Variants in ARAP1 observed in about 807,000 individuals in gnomAD.
ARAP1 encodes the protein ArfGAP with RhoGAP domain, ankyrin repeat and PH domain 1, also known as arf-GAP with Rho-GAP domain, ANK repeat and PH domain-containing protein 1.
ARAP1 carries 76 observed loss-of-function variants against 172.2 expected under a neutral mutation model. The observed-to-expected ratio is 0.44, with a 90% CI of 0.37 to 0.53. The LOEUF (loss-of-function observed/expected upper bound fraction) is 0.53, where lower values mean the gene tolerates loss of function less well. ARAP1 is among the 20% of genes least tolerant of loss of function. The pLI, the probability that ARAP1 is intolerant of heterozygous loss-of-function variation, is 0.00. For synonymous variants in ARAP1, 804 were observed against 803.3 expected, an observed-to-expected ratio of 1.00 and a Z score of -0.01; for missense variants, 1,686 against 1,977.5, an observed-to-expected ratio of 0.85 and a Z score of 2.80.
At chr11:72,721,065 G>C (rs1209538428) in intron 3 of ARAP1, among the ~76,000 whole-genome samples, 1 of 152,148 alleles carries the variant, frequency 6.6e-6, no homozygotes, top group African/African-American at 2.4e-5. Context: ...CTCTTCCTGG[G>C]TCCAGCCCAG....
chr11:72,724,859 A>C (rs997896375), intron 3 of ARAP1, among the ~76,000 whole-genome samples: 3 of 152,160 alleles, frequency 2.0e-5, no homozygotes, highest in Admixed American at 6.5e-5. Context: ...AAGGGGCTAG[A>C]CCTTTTCCCG....
chr11:72,740,653 C>T (rs2135589171), intron 1 of ARAP1, among the ~76,000 whole-genome samples: 1 of 152,276 alleles, frequency 6.6e-6, no homozygotes, highest in African/African-American at 2.4e-5. Flanking sequence ...GAGACTGACA[C>T]TCAAAGCCCC....
At position 72,699,667 on chromosome 11, in the gene ARAP1, A is replaced by C; in HGVS notation, c.2303-115T>G. On this transcript the variant is annotated intron_variant, in intron 16 of 34. Coordinates refer to ENST00000393609, the MANE Select transcript of ARAP1 (RefSeq NM_001040118.3). The surrounding 1 kb of genome is among the most constrained non-coding windows in gnomAD (Gnocchi z 4.2). ...TGACCCATGAGCTCTTCATTCTCTC[A>C]AGTTTTCCCTAAATCCATCCACCTC... The C allele has an allele frequency of 6.5e-6, 9 of 1,392,258 alleles. No homozygotes were observed. Among genetic ancestry groups the C allele is most frequent in the Non-Finnish European group, 8.7e-6 (9 of 1,037,684 alleles). 86.2% of individuals were successfully genotyped at this position (1,392,258 alleles called of 1,614,324 possible). A position where few individuals can be genotyped will look rare whatever the true frequency, so the allele number is the denominator to read the frequency against.
At chr11:72,703,316 G>A (rs554943744) in intron 14 of ARAP1, 15 of 402,188 alleles carry the variant, frequency 3.7e-5, no homozygotes, top group South Asian at 3.3e-4. Context: ...CCAGCTGCCC[G>A]GGGCCTCACC....
chr11:72,744,821 G>A (rs1041781355), intron 1 of ARAP1, among the ~76,000 whole-genome samples: 4 of 152,168 alleles, frequency 2.6e-5, no homozygotes, highest in African/African-American at 9.7e-5. Flanking sequence ...AGAGGCAAAT[G>A]AGTGTCCTGG....
intron 30 of ARAP1, among the ~76,000 whole-genome samples, chr11:72,689,312 A>G (rs1349343722): frequency 6.6e-6 from 1 of 152,208 alleles, no homozygotes; most frequent in Non-Finnish European, 1.5e-5. Context: ...CCCAAGGAAG[A>G]GGCTGGTTGG....
intron 7 of ARAP1, among the ~76,000 whole-genome samples, chr11:72,711,994 C>A (rs113901653): frequency 3.9e-5 from 6 of 152,306 alleles, no homozygotes; most frequent in Admixed American, 1.3e-4. Flanking sequence ...CTATGCCCAG[C>A]GATCTCCCAA....
At chr11:72,717,959 CCATCTGAGAGGGAACA>C (rs1258856707) in intron 3 of ARAP1, among the ~76,000 whole-genome samples, 1 of 152,140 alleles carries the variant, frequency 6.6e-6, no homozygotes, top group Non-Finnish European at 1.5e-5. Context: ...GTCTCAGGAC[CCATCTGAGAGGGAACA>C]CATCACTGCC....
intron 1 of ARAP1, among the ~76,000 whole-genome samples, chr11:72,742,077 G>A (rs1858215617): frequency 6.6e-6 from 1 of 152,170 alleles, no homozygotes; most frequent in African/African-American, 2.4e-5. Context: ...GTGGGGCCGG[G>A]ACTAGGGTCA....
chr11:72,709,750 G>T, intron 11 of ARAP1, 120 bp downstream of exon 11: 1 of 1,013,878 alleles, frequency 9.9e-7, no homozygotes. Flanking sequence ...CACAGGTGGG[G>T]CAGGGCGGGG....
At chr11:72,692,137 G>A (rs1190935923) in intron 30 of ARAP1, among the ~76,000 whole-genome samples, 1 of 152,150 alleles carries the variant, frequency 6.6e-6, no homozygotes, top group East Asian at 1.9e-4. Flanking sequence ...GACCCATGGG[G>A]GCATCATGAG....
chr11:72,691,480 C>T (rs183732885), intron 30 of ARAP1, among the ~76,000 whole-genome samples: 1 of 152,236 alleles, frequency 6.6e-6, no homozygotes, highest in Admixed American at 6.5e-5. Context: ...ACTGGATGGG[C>T]AGATAGGCTC....
At chr11:72,691,775 C>A (rs1378981181) in intron 30 of ARAP1, among the ~76,000 whole-genome samples, 1 of 152,164 alleles carries the variant, frequency 6.6e-6, no homozygotes, top group Non-Finnish European at 1.5e-5. Flanking sequence ...CTCTGTTGCC[C>A]ATCCTGCAGG....
chr11:72,720,281 C>A (rs181478877), intron 3 of ARAP1, among the ~76,000 whole-genome samples: 2 of 152,310 alleles, frequency 1.3e-5, no homozygotes, highest in East Asian at 3.9e-4. Flanking sequence ...CTCAGGGGCC[C>A]GGGCCTCAGT....
chr11:72,692,965 G>T, intron 29 of ARAP1, 180 bp from the exon 30 acceptor site: 1 of 765,098 alleles, frequency 1.3e-6, no homozygotes, highest in Non-Finnish European at 2.2e-6. Context: ...GAGAAGGGTG[G>T]CCCGGGAGGC....
chr11:72,691,809 TACCAGGG>T (rs1855943988), intron 30 of ARAP1, among the ~76,000 whole-genome samples: 1 of 152,100 alleles, frequency 6.6e-6, no homozygotes, highest in Admixed American at 6.5e-5. Context: ...GTCTTTTTGG[TACCAGGG>T]ACCAGTTCTG....
At chr11:72,748,452 G>A (rs1021016487) in intron 1 of ARAP1, among the ~76,000 whole-genome samples, 32 of 151,922 alleles carry the variant, frequency 2.1e-4, no homozygotes, top group Non-Finnish European at 3.4e-4. Context: ...CCCGGGAGGC[G>A]GAGGTTGCAG....
Position 72,697,960 on chromosome 11 carries a change from C to T in ARAP1, c.2688G>A (p.Pro896=), listed in dbSNP as rs779963916. The change falls in exon 19 of 35, where the codon CCG becomes CCA. Residue 896 remains proline (P), a synonymous_variant. Coordinates refer to ENST00000393609, the MANE Select transcript of ARAP1 (RefSeq NM_001040118.3). ...LSGSELRAVF[P]EGPCEEPLQL... ...GCAGCGGCTCTTCGCAGGGCCCCTCCGGGAAGACAGCACGGAGCTCCGAGC... is the reference window on the plus strand; with the variant it reads ...GCAGCGGCTCTTCGCAGGGCCCCTCTGGGAAGACAGCACGGAGCTCCGAGC... 1.1e-5 allele frequency: 17 copies of T among 1,611,462 alleles called. No homozygotes were observed. The highest frequency in any genetic ancestry group is 2.2e-5 in the East Asian group (1 of 44,838).
In ARAP1 at chr11:72,742,889, C is replaced by T. The variant is rs559439144; in HGVS notation, c.-128+9439G>A. Among the ~76,000 whole-genome samples, 3 of 152,344 alleles carry T rather than the reference C, an allele frequency of 2.0e-5. No individual in the cohort carries two copies. The South Asian group carries it at 6.2e-4, about 32-fold the overall frequency. The stretch of plus-strand genomic sequence containing the variant: ...GTAAAAGCCAAAGCTAGCAGCCGGC[C>T]TGCCAGGCCTGTGCAACCTGTCCCT... On this transcript the variant is annotated intron_variant, in intron 1 of 34. Transcript: ENST00000393609.
Sources: allele counts gnomAD v4.1 joint callset (sites outside exome capture counted in the v4.1 genomes callset), GRCh38; gene constraint gnomAD v4.1.1; non-coding constraint Gnocchi (gnomAD v3.1); transcripts MANE v1.5; gene names NCBI Gene and HGNC (gene_info 2026-07-23, HGNC 2026-07-21).